Variants in ADGRL2 observed in about 807,000 individuals in gnomAD.
ADGRL2 encodes the protein calcium-independent alpha-latrotoxin receptor 2.
A neutral mutation model predicts 157.4 loss-of-function variants in ADGRL2; 44 were observed. The observed-to-expected ratio is 0.28, with a 90% CI of 0.22 to 0.36. The LOEUF (loss-of-function observed/expected upper bound fraction) is 0.36. Among genes scored for constraint, ADGRL2 ranks in the 10% least tolerant of loss-of-function variants. The pLI is 1.00. For synonymous variants in ADGRL2, 585 were observed against 624.7 expected (o/e 0.94, Z 0.95); for missense variants, 1,510 against 1,768.9 (o/e 0.85, Z 2.63).
chr1:81,306,676 G>A (rs890773412), intron 1 of ADGRL2, among the ~76,000 whole-genome samples: 2 of 152,132 alleles, frequency 1.3e-5, no homozygotes, highest in African/African-American at 4.8e-5. Context: ...TTGTTTAAGT[G>A]CTGGGTATTA....
intron 2 of ADGRL2, among the ~76,000 whole-genome samples, chr1:81,770,365 A>T (rs183070824): frequency 1.4e-3 from 217 of 150,070 alleles, no homozygotes; most frequent in African/African-American, 5.3e-3. Flanking sequence ...GCTTCAGCAT[A>T]TTGGCCAGGA....
At chr1:81,921,990 A>C (rs918040932) in intron 3 of ADGRL2, among the ~76,000 whole-genome samples, 3 of 152,180 alleles carry the variant, frequency 2.0e-5, no homozygotes, top group African/African-American at 7.2e-5. Context: ...TTATGGAGTT[A>C]ATATATTTTA....
intron 22 of ADGRL2, chr1:81,987,455 A>G (rs1663509238): frequency 2.6e-6 from 2 of 777,800 alleles, no homozygotes; most frequent in Non-Finnish European, 4.8e-6. Flanking sequence ...ATAGAAAACC[A>G]CATTCAGCCT....
At chr1:81,723,491 T>G (rs2149136983) in intron 1 of ADGRL2, among the ~76,000 whole-genome samples, 1 of 152,372 alleles carries the variant, frequency 6.6e-6, no homozygotes, top group Non-Finnish European at 1.5e-5. Flanking sequence ...TTTTTTCCTT[T>G]GAATTATTGG....
intron 3 of ADGRL2, among the ~76,000 whole-genome samples, chr1:81,663,998 G>A (rs1252820693): frequency 2.6e-5 from 4 of 152,012 alleles, no homozygotes; most frequent in Non-Finnish European, 5.9e-5. Context: ...AAAGATCATT[G>A]GTATACTGTA....
At chr1:81,673,349 C>T (rs955280478) in intron 3 of ADGRL2, among the ~76,000 whole-genome samples, 1 of 152,036 alleles carries the variant, frequency 6.6e-6, no homozygotes, top group Non-Finnish European at 1.5e-5. Context: ...TCCTTCTTTT[C>T]AGGAACTCTG....
At chr1:81,906,150 G>A (rs570963897) in intron 2 of ADGRL2, among the ~76,000 whole-genome samples, 3 of 152,166 alleles carry the variant, frequency 2.0e-5, no homozygotes, top group Non-Finnish European at 4.4e-5. Context: ...TATAAACCTT[G>A]TTAGTGAAAA....
intron 3 of ADGRL2, among the ~76,000 whole-genome samples, chr1:81,611,034 A>G (rs549180257): frequency 5.3e-4 from 81 of 152,354 alleles, no homozygotes; most frequent in African/African-American, 1.9e-3. Context: ...CACTAAGGCT[A>G]ATAAATTTTT....
intron 1 of ADGRL2, among the ~76,000 whole-genome samples, chr1:81,338,954 A>G (rs562110704): frequency 2.0e-5 from 3 of 152,232 alleles, no homozygotes; most frequent in South Asian, 4.2e-4. Context: ...TCATTACACT[A>G]TTATTATTGC....
At chr1:81,403,228 GTT>G (rs11338962) in intron 1 of ADGRL2, among the ~76,000 whole-genome samples, 12 of 129,590 alleles carry the variant, frequency 9.3e-5, no homozygotes, top group South Asian at 2.3e-4. Context: ...ACTTTTCCTT[GTT>G]TTTTTTTTGT....
At chr1:81,361,586 T>G (rs2075979377) in intron 1 of ADGRL2, among the ~76,000 whole-genome samples, 1 of 151,932 alleles carries the variant, frequency 6.6e-6, no homozygotes, top group Non-Finnish European at 1.5e-5. Context: ...GTTGAATGAA[T>G]AGATAAATAA....
rs1457452913 is a variant in ADGRL2 at position 81,503,369 on chromosome 1, G to A, written c.-248+58280G>A. On this transcript the variant is annotated intron_variant, in intron 2 of 24. Transcript: ENST00000370721. ...ACGGGGTCTGCTCCCCAGAGCCTCG[G>A]CAGCAGCGCCAGCAGCAGCAGCAGC... 6.8e-6 allele frequency: 11 copies of A among 1,613,808 alleles called. No homozygotes were observed. In the East Asian group the frequency reaches 2.2e-4, roughly 33 times the overall value.
intron 2 of ADGRL2, among the ~76,000 whole-genome samples, chr1:81,775,416 CT>C (rs1407941313): frequency 6.6e-6 from 1 of 152,094 alleles, no homozygotes; most frequent in Non-Finnish European, 1.5e-5. Context: ...TCTGACTATA[CT>C]TAGACAACAA....
chr1:81,589,992 G>A (rs566289272), intron 3 of ADGRL2, among the ~76,000 whole-genome samples: 43 of 152,180 alleles, frequency 2.8e-4, no homozygotes, highest in African/African-American at 9.9e-4. Flanking sequence ...TCTAACAAGC[G>A]GCCCATGGTG....
intron 2 of ADGRL2, among the ~76,000 whole-genome samples, chr1:81,856,061 C>A (rs761200357): frequency 6.6e-5 from 10 of 151,958 alleles, no homozygotes; most frequent in Non-Finnish European, 1.5e-5. Context: ...CCCAGCTGGT[C>A]CTTGTGGAGT....
At chr1:81,702,470 A>G (rs1300069792) in intron 1 of ADGRL2, among the ~76,000 whole-genome samples, 3 of 152,192 alleles carry the variant, frequency 2.0e-5, no homozygotes, top group African/African-American at 7.2e-5. Context: ...GCAAGAAGGA[A>G]GAAGAAAATC....
chr1:81,880,544 A>G (rs1005047554), intron 2 of ADGRL2, among the ~76,000 whole-genome samples: 1 of 152,136 alleles, frequency 6.6e-6, no homozygotes, highest in Non-Finnish European at 1.5e-5. Flanking sequence ...CTCAGCAAAG[A>G]GAGGGGTCCT....
At chr1:81,383,808 C>A (rs201892610) in intron 1 of ADGRL2, among the ~76,000 whole-genome samples, 531 of 104,156 alleles carry the variant, frequency 5.1e-3, no homozygotes, top group East Asian at 5.4e-3. Context: ...ACTAAAAATA[C>A]AAAAAAAAAA....
intron 2 of ADGRL2, among the ~76,000 whole-genome samples, chr1:81,871,040 C>T (rs1404003532): frequency 6.7e-6 from 1 of 150,104 alleles, no homozygotes; most frequent in Admixed American, 6.7e-5. Flanking sequence ...CACCCATTAC[C>T]TCGTCATTTA....
Sources: allele counts gnomAD v4.1 joint callset (sites outside exome capture counted in the v4.1 genomes callset), GRCh38; gene constraint gnomAD v4.1.1; transcripts MANE v1.5; gene names NCBI Gene and HGNC (gene_info 2026-07-23, HGNC 2026-07-21).